LTBP1: variants seen among roughly 807,000 people sequenced by gnomAD.
LTBP1 encodes latent-transforming growth factor beta-binding protein 1.
In LTBP1, 129 loss-of-function variants were observed where a neutral mutation model predicts 207.6. The observed-to-expected ratio is 0.62, with a 90% CI of 0.54 to 0.72. The LOEUF (loss-of-function observed/expected upper bound fraction) is 0.72, where lower values mean the gene tolerates loss of function less well. Among genes scored for constraint, LTBP1 ranks in the 30% least tolerant of loss-of-function variants. The probability of loss-of-function intolerance (pLI) is 0.00; values close to 1 mark genes in which losing one functional copy is unlikely to be tolerated. For missense variants in LTBP1, 2,281 were observed against 2,217.2 expected (o/e 1.03, Z -0.58); for synonymous variants, 963 against 833.7 (o/e 1.16, Z -2.67).
intron 9 of LTBP1, among the ~76,000 whole-genome samples, chr2:33,235,324 G>A (rs953274758): frequency 6.6e-6 from 1 of 152,192 alleles, no homozygotes; most frequent in African/African-American, 2.4e-5. Context: ...GGTCATTAGA[G>A]AAATGCAAAT....
chr2:33,206,928 CTAGTACTAG>C (rs1450255002), intron 7 of LTBP1, among the ~76,000 whole-genome samples: 1 of 152,092 alleles, frequency 6.6e-6, no homozygotes, highest in African/African-American at 2.4e-5. Flanking sequence ...TACTCACCAT[CTAGTACTAG>C]GATTTATCAC....
intron 3 of LTBP1, among the ~76,000 whole-genome samples, chr2:33,029,951 AC>A (rs1333717734): frequency 6.6e-6 from 1 of 152,216 alleles, no homozygotes; most frequent in Non-Finnish European, 1.5e-5. Context: ...ACAGTCAGTT[AC>A]CAATATAGAG....
At chr2:32,983,887 A>G (rs1683142754) in intron 2 of LTBP1, among the ~76,000 whole-genome samples, 1 of 152,212 alleles carries the variant, frequency 6.6e-6, no homozygotes. Flanking sequence ...GGACTAATAC[A>G]TTCTCTAAAG....
intron 4 of LTBP1, among the ~76,000 whole-genome samples, chr2:33,116,322 A>G (rs972816206): frequency 6.6e-6 from 1 of 152,232 alleles, no homozygotes; most frequent in Non-Finnish European, 1.5e-5. Flanking sequence ...TTAGGTTTTA[A>G]ATAGGTTACT....
intron 3 of LTBP1, among the ~76,000 whole-genome samples, chr2:33,042,746 T>C (rs967466023): frequency 6.6e-6 from 1 of 152,248 alleles, no homozygotes; most frequent in Non-Finnish European, 1.5e-5. Flanking sequence ...AAGGTAAGAA[T>C]GCCTTGATCT....
intron 5 of LTBP1, among the ~76,000 whole-genome samples, chr2:33,184,301 A>G (rs112441382): frequency 6.6e-5 from 10 of 152,220 alleles, no homozygotes; most frequent in African/African-American, 2.4e-4. Flanking sequence ...TAAAACCCAA[A>G]GCCCTTATCA....
rs536942450 is a variant in LTBP1 at position 33,293,758 on chromosome 2, G to T, written c.3235+476G>T. ...TGTCATTAATGAATATTCATATTTC[G>T]TGGATATTGTATATAAAGATGTTCT... On this transcript the variant is annotated intron_variant, in intron 20 of 33. Transcript: ENST00000404816. 3.9e-5 allele frequency among the ~76,000 whole-genome samples: 6 copies of T among 152,140 alleles called. No homozygotes were observed. The East Asian group carries it at 1.2e-3, about 29-fold the overall frequency.
intron 9 of LTBP1, among the ~76,000 whole-genome samples, chr2:33,222,660 CT>C (rs1213545735): frequency 2.0e-5 from 3 of 152,128 alleles, no homozygotes; most frequent in African/African-American, 7.2e-5. Flanking sequence ...GCCCTGAGTA[CT>C]TTTGTTTGGT....
At chr2:33,216,322 GTT>G in intron 7 of LTBP1, among the ~76,000 whole-genome samples, 1 of 152,112 alleles carries the variant, frequency 6.6e-6, no homozygotes, top group Non-Finnish European at 1.5e-5. Flanking sequence ...GTTGAATAAA[GTT>G]TATTCTGGGA....
At chr2:32,968,848 C>G (rs904664064) in intron 2 of LTBP1, among the ~76,000 whole-genome samples, 1 of 151,314 alleles carries the variant, frequency 6.6e-6, no homozygotes, top group African/African-American at 2.4e-5. Flanking sequence ...CTCAGCCTCC[C>G]AAGTAGCTGG....
At chr2:33,151,853 G>A (rs1377485736) in intron 5 of LTBP1, among the ~76,000 whole-genome samples, 1 of 150,574 alleles carries the variant, frequency 6.6e-6, no homozygotes, top group East Asian at 2.0e-4. Flanking sequence ...GTGTGTGTGT[G>A]TGTGTGTGTG....
At chr2:33,317,072 A>T (rs1573801589) in intron 24 of LTBP1, among the ~76,000 whole-genome samples, 1 of 152,344 alleles carries the variant, frequency 6.6e-6, no homozygotes, top group East Asian at 1.9e-4. Flanking sequence ...TGTCTTTTGC[A>T]CTTACTAATG....
intron 24 of LTBP1, among the ~76,000 whole-genome samples, chr2:33,321,790 T>C (rs1404437769): frequency 6.6e-6 from 1 of 152,176 alleles, no homozygotes; most frequent in East Asian, 1.9e-4. Flanking sequence ...GAGATGATGA[T>C]TTTAGTATTT....
At position 32,999,908 on chromosome 2, in the gene LTBP1, G is replaced by A. The variant is rs906643203; in HGVS notation, c.566-21001G>A. On this transcript the variant is annotated intron_variant, in intron 2 of 33. Coordinates refer to ENST00000404816, the MANE Select transcript of LTBP1 (RefSeq NM_206943.4). ...AGGCACAGACAACAGCGTTGTGTGTGTTGGAGGGATGGAATGTGGTATCTG... is the reference window on the plus strand; with the variant it reads ...AGGCACAGACAACAGCGTTGTGTGTATTGGAGGGATGGAATGTGGTATCTG... 1.6e-4 allele frequency among the ~76,000 whole-genome samples: 22 copies of A among 134,224 alleles called. 3 individuals are homozygous for A. The highest frequency in any genetic ancestry group is 8.4e-4 in the Admixed American group (11 of 13,058). 88.1% of individuals were successfully genotyped at this position (134,224 alleles called of 152,430 possible). A position where few individuals can be genotyped will look rare whatever the true frequency, so the allele number is the denominator to read the frequency against.
chr2:33,025,145 T>G (rs1224627063), intron 3 of LTBP1, among the ~76,000 whole-genome samples: 1 of 152,218 alleles, frequency 6.6e-6, no homozygotes, highest in Admixed American at 6.5e-5. Flanking sequence ...GCCTTTATGG[T>G]CTTGGTCTTA....
chr2:32,962,115 T>C (rs913259426), intron 2 of LTBP1, among the ~76,000 whole-genome samples: 14 of 152,062 alleles, frequency 9.2e-5, no homozygotes, highest in African/African-American at 3.4e-4. Context: ...TTTCAATGAG[T>C]TTTTGGTAAC....
Position 33,341,483 on chromosome 2 carries a change from G to A in LTBP1, c.3731-1355G>A, listed in dbSNP as rs537512707. On this transcript the variant is annotated intron_variant, in intron 24 of 33. Transcript: ENST00000404816. ...TCCCAGCACTTTGGAAGGCCGAGGCGGGCAGATCACGAGGTCAGGAGATTG... is the reference window on the plus strand; with the variant it reads ...TCCCAGCACTTTGGAAGGCCGAGGCAGGCAGATCACGAGGTCAGGAGATTG... Among the ~76,000 whole-genome samples the A allele has an allele frequency of 2.6e-5, 4 of 151,722 alleles. No homozygotes were observed. In the East Asian group the frequency reaches 5.8e-4, roughly 22 times the overall value.
intron 4 of LTBP1, among the ~76,000 whole-genome samples, chr2:33,118,271 G>A (rs2080890018): frequency 6.6e-6 from 1 of 151,660 alleles, no homozygotes; most frequent in Non-Finnish European, 1.5e-5. Flanking sequence ...GTACTAAAAG[G>A]CAGTGGAAGT....
At chr2:33,110,475 GA>G (rs1572679453) in intron 3 of LTBP1, 106 bp from the exon 4 acceptor site, 1 of 1,001,466 alleles carries the variant, frequency 1.0e-6, no homozygotes, top group Non-Finnish European at 1.5e-6. Context: ...GCCTTGCTTG[GA>G]ATTGATGCTC....
Sources: gnomAD v4.1 joint callset for allele counts (sites outside exome capture counted in the v4.1 genomes callset) on GRCh38, gnomAD v4.1.1 for gene constraint, MANE v1.5 for transcripts, NCBI Gene and HGNC (gene_info 2026-07-23, HGNC 2026-07-21) for gene names.